The following HEATR5B variants were observed in gnomAD, a reference collection of about 807,000 sequenced individuals.
The protein encoded by HEATR5B is HEAT repeat containing 5B, also known as HEAT repeat-containing protein 5B.
HEATR5B carries 156 observed loss-of-function variants against 224.1 expected under a neutral mutation model. The ratio of observed to expected loss-of-function variants is 0.70; its 90% CI spans 0.61 to 0.80. The LOEUF (loss-of-function observed/expected upper bound fraction) is 0.80, where lower values mean the gene tolerates loss of function less well. HEATR5B is among the 30% of genes least tolerant of loss of function. The pLI is 0.00. For missense variants in HEATR5B, 2,323 were observed against 2,535.5 expected, an observed-to-expected ratio of 0.92 and a Z score of 1.80; for synonymous variants, 1,027 against 893.0, an observed-to-expected ratio of 1.15 and a Z score of -2.68.
rs777821283 is a variant in HEATR5B, at chr2:37,032,694, G to T, written c.3296C>A (p.Ala1099Glu). The change falls in exon 22 of 36, where the codon GCG becomes GAG. Residue 1099 changes from alanine to glutamate, a missense_variant. Physicochemically the swap from Ala to Glu is moderately radical, Grantham distance 107. Transcript: ENST00000233099. ...CLRQLAQREA[A>E]EVCEYAMSLA... ...GCTCATGGCATATTCACATACTTCC[G>T]CTGCTTCTCTTTGTGCAAGTTGCCG... 6.2e-7 allele frequency: 1 copy of T among 1,613,862 alleles called. No individual in the cohort carries two copies. Among genetic ancestry groups the T allele is most frequent in the Non-Finnish European group, 8.5e-7 (1 of 1,179,940 alleles).
At chr2:36,997,567 C>CCT (rs1666804646) in intron 33 of HEATR5B, among the ~76,000 whole-genome samples, 1 of 129,580 alleles carries the variant, frequency 7.7e-6, no homozygotes, top group Non-Finnish European at 1.6e-5. Context: ...CTCTGCCATT[C>CCT]TTTTTTTTTT....
rs767714366 is a variant in HEATR5B at position 37,003,684 on chromosome 2, C to A, written c.4908G>T (p.Leu1636=). 8.1e-5 allele frequency: 128 copies of A among 1,586,152 alleles called. No homozygotes were observed. The highest frequency in any genetic ancestry group is 1.1e-4 in the Non-Finnish European group (125 of 1,166,506). ...AAACACTCAGCAACTCAACACCTAT[C>A]AGCTAATACAAATAAATACAAATAC... ...YARVHIAEDQ[L]IGVELLSVLH... Residue 1636 remains leucine (L), a splice_region_variant and synonymous_variant, in exon 31 of 36, where the codon CTG becomes CTT. Coordinates refer to ENST00000233099, the MANE Select transcript of HEATR5B (RefSeq NM_019024.3).
chr2:37,083,609 AAAAC>A (rs1189604614), intron 1 of HEATR5B, among the ~76,000 whole-genome samples, 173 bp from the exon 2 acceptor site: 1 of 152,230 alleles, frequency 6.6e-6, no homozygotes, highest in African/African-American at 2.4e-5. Context: ...AATACAAACA[AAAAC>A]AGAAGAAAAC....
At position 37,066,686 on chromosome 2, in the gene HEATR5B, C is replaced by T. The variant is rs181622006; in HGVS notation, c.1178-776G>A. 2.0e-3 allele frequency among the ~76,000 whole-genome samples: 301 copies of T among 151,992 alleles called. 2 individuals carry two copies. The highest frequency in any genetic ancestry group is 5.7e-3 in the African/African-American group (236 of 41,444). On this transcript the variant is annotated intron_variant, in intron 8 of 35. Transcript: ENST00000233099. ...CATTCTGGCCCACAAATCCCCAATA[C>T]GTATCATTATATTTAATTCTGCTTT...
chr2:37,021,579 C>T (rs1316508998), intron 24 of HEATR5B, among the ~76,000 whole-genome samples: 1 of 152,064 alleles, frequency 6.6e-6, no homozygotes, highest in Non-Finnish European at 1.5e-5. Context: ...CCCCTTTTCA[C>T]ATGTAAAATG....
At chr2:37,048,901 T>C (rs573463415) in intron 18 of HEATR5B, among the ~76,000 whole-genome samples, 9 of 152,342 alleles carry the variant, frequency 5.9e-5, no homozygotes, top group Non-Finnish European at 1.2e-4. Context: ...TACTACTTCA[T>C]AGCCACTGCT....
chr2:36,981,596 G>T lies in HEATR5B; in HGVS notation c.6110C>A (p.Thr2037Asn). 6.2e-7 allele frequency: 1 copy of T among 1,614,226 alleles called. No homozygotes were observed. Among genetic ancestry groups the T allele is most frequent in the Non-Finnish European group, 8.5e-7 (1 of 1,180,046 alleles). Residue 2037 changes from threonine to asparagine, a missense_variant, in exon 36 of 36, where the codon ACT becomes AAT. This residue lies in a region of HEATR5B where 844 missense variants were observed against 812.9 expected (regional missense o/e 1.04). Coordinates refer to ENST00000233099, the MANE Select transcript of HEATR5B (RefSeq NM_019024.3). Reference sequence around the variant, plus strand: ...GCTCGCTTGGCTTGCTCGAACGGCAGTTTCTAGACGCACTTTCAACTCAGG... The same window carrying T: ...GCTCGCTTGGCTTGCTCGAACGGCATTTTCTAGACGCACTTTCAACTCAGG... ...AAPELKVRLE[T>N]AVRASQASKA...
chr2:37,061,817 C>T, intron 11 of HEATR5B, 122 bp downstream of exon 11: 1 of 605,720 alleles, frequency 1.7e-6, no homozygotes, highest in Admixed American at 3.0e-5. Flanking sequence ...AACATCTTTA[C>T]ACCATTTTTA....
chr2:37,000,739 C>T lies in HEATR5B; in HGVS notation c.5392G>A (p.Asp1798Asn), dbSNP rs748751881. Reference protein sequence around the residue: ...ILKDTAIKSADNQVPPPVSAA... With the variant: ...ILKDTAIKSANNQVPPPVSAA... ...CTGACTGGTGGAGGAACCTGATTAT[C>T]TGCAGACTTTATTGCTGTGTCTTTC... Residue 1798 changes from aspartate (D) to asparagine (N), a missense_variant, in exon 33 of 36, where the codon GAT becomes AAT. Coordinates refer to ENST00000233099, the MANE Select transcript of HEATR5B (RefSeq NM_019024.3). 1.2e-5 allele frequency: 20 copies of T among 1,614,180 alleles called. 1 individual carries two copies. In the South Asian group the frequency reaches 2.0e-4, roughly 16 times the overall value.
chr2:37,035,107 A>G (rs1196304598), intron 21 of HEATR5B, among the ~76,000 whole-genome samples: 2 of 152,206 alleles, frequency 1.3e-5, no homozygotes, highest in Non-Finnish European at 2.9e-5. Flanking sequence ...TTAATTTAGT[A>G]ACAATTACAG....
chr2:37,072,102 A>G lies in HEATR5B; in HGVS notation c.769+8T>C. On this transcript the variant is annotated splice_region_variant and intron_variant, in intron 6 of 35. Transcript: ENST00000233099. ...GTTATGGTCTAAATCAAGGGCAAAC[A>G]ACAATACCTGTTGCCTGTTTTGGCA... The G allele has an allele frequency of 3.1e-6, 5 of 1,609,602 alleles. No individual in the cohort carries two copies. Among genetic ancestry groups the G allele is most frequent in the Non-Finnish European group, 4.2e-6 (5 of 1,177,100 alleles).
At chr2:37,022,533 A>G (rs1243057519) in intron 24 of HEATR5B, among the ~76,000 whole-genome samples, 1 of 152,240 alleles carries the variant, frequency 6.6e-6, no homozygotes, top group South Asian at 2.1e-4. Flanking sequence ...GTGCAAAAGC[A>G]GCCACAGACA....
chr2:37,050,406 T>C (rs1247533884), intron 17 of HEATR5B, among the ~76,000 whole-genome samples: 1 of 151,894 alleles, frequency 6.6e-6, no homozygotes, highest in Non-Finnish European at 1.5e-5. Context: ...TTGCGGGGAG[T>C]GTCTCTATTC....
chr2:37,070,941 C>T (rs1470963639), intron 6 of HEATR5B, among the ~76,000 whole-genome samples: 1 of 152,158 alleles, frequency 6.6e-6, no homozygotes, highest in East Asian at 1.9e-4. Context: ...TATTTGGCTG[C>T]CCGGAATTTG....
intron 35 of HEATR5B, 70 bp from the exon 36 acceptor site, chr2:36,981,864 T>C (rs1047775136): frequency 4.3e-6 from 5 of 1,174,192 alleles, no homozygotes; most frequent in South Asian, 3.1e-5. Context: ...AACTAGGCAA[T>C]TGCCATGGAA....
intron 24 of HEATR5B, among the ~76,000 whole-genome samples, chr2:37,027,667 G>T (rs1664253159): frequency 6.6e-6 from 1 of 152,084 alleles, no homozygotes; most frequent in Non-Finnish European, 1.5e-5. Flanking sequence ...ATTATCCTTT[G>T]GGCAAATGAT....
chr2:37,065,836 C>T lies in HEATR5B; in HGVS notation c.1252G>A (p.Val418Ile). 6.2e-7 allele frequency: 1 copy of T among 1,614,002 alleles called. No individual in the cohort carries two copies. Among genetic ancestry groups the T allele is most frequent in the Non-Finnish European group, 8.5e-7 (1 of 1,179,916 alleles). The change falls in exon 9 of 36, where the codon GTC becomes ATC. Residue 418 changes from valine to isoleucine, a missense_variant. By Grantham distance (29) the Val-to-Ile change is conservative. Coordinates refer to ENST00000233099, the MANE Select transcript of HEATR5B (RefSeq NM_019024.3). ...CTCCCGAGTTCCTGGAGGGCACAGACCATCACATGCTGGCTTGCTGCAATG... is the reference window on the plus strand; with the variant it reads ...CTCCCGAGTTCCTGGAGGGCACAGATCATCACATGCTGGCTTGCTGCAATG... ...ADIAASQHVM[V>I]CALQELGSLV...
At chr2:37,059,469 T>A (rs1301303943) in intron 12 of HEATR5B, among the ~76,000 whole-genome samples, 6 of 131,784 alleles carry the variant, frequency 4.6e-5, no homozygotes, top group Admixed American at 1.5e-4. Context: ...TATATATTTT[T>A]TTTTTTTTTT....
At chr2:37,017,301 C>A (rs574813188) in intron 26 of HEATR5B, among the ~76,000 whole-genome samples, 75 of 151,854 alleles carry the variant, frequency 4.9e-4, no homozygotes, top group Non-Finnish European at 8.7e-4. Flanking sequence ...AGGAGAATTG[C>A]TTGATTGCTT....
Sources: allele counts gnomAD v4.1 joint callset (sites outside exome capture counted in the v4.1 genomes callset), GRCh38; gene constraint gnomAD v4.1.1; regional missense constraint gnomAD v4.1.1; transcripts MANE v1.5; gene names NCBI Gene and HGNC (gene_info 2026-07-23, HGNC 2026-07-21).